The following EML2 variants were observed in gnomAD, a reference collection of about 807,000 sequenced individuals.
The protein encoded by EML2 is echinoderm microtubule-associated protein-like 2.
A neutral mutation model predicts 84.7 loss-of-function variants in EML2; 59 were observed. The observed-to-expected ratio is 0.70, with a 90% confidence interval of 0.56 to 0.86. EML2 has a LOEUF of 0.86. EML2 is among the 40% of genes least tolerant of loss of function. The pLI, the probability that EML2 is intolerant of heterozygous loss-of-function variation, is 0.00. For missense variants in EML2, 818 were observed against 855.6 expected (o/e 0.96, Z 0.55); for synonymous variants, 352 against 348.9 (o/e 1.01, Z -0.10).
At chr19:45,624,946 G>A (rs1435821171) in intron 8 of EML2, 128 bp from the exon 9 acceptor site, 25 of 666,584 alleles carry the variant, frequency 3.8e-5, no homozygotes, top group African/African-American at 7.2e-5. Flanking sequence ...AAGGCTCTGC[G>A]TGGAGCATCC....
At chr19:45,639,111 G>A (rs1211009613) in intron 1 of EML2, 1 of 685,260 alleles carries the variant, frequency 1.5e-6, no homozygotes, top group Non-Finnish European at 2.6e-6. Flanking sequence ...AAGTGGCAGG[G>A]ACGCGATCCT....
upstream of EML2, chr19:45,639,430 C>A (rs565797513): frequency 7.2e-6 from 9 of 1,245,256 alleles, no homozygotes; most frequent in Non-Finnish European, 9.1e-6. Flanking sequence ...CCGGCTCTGC[C>A]GCTTCCGGCC....
intron 15 of EML2, chr19:45,616,140 G>C: frequency 3.5e-6 from 2 of 569,074 alleles, no homozygotes; most frequent in South Asian, 2.1e-5. Flanking sequence ...CAGGTGGGCA[G>C]GGCTAGACAC....
chr19:45,632,759 C>T, intron 6 of EML2, 102 bp downstream of exon 6: 1 of 1,009,058 alleles, frequency 9.9e-7, no homozygotes, highest in South Asian at 1.5e-5. Flanking sequence ...ACGCCTCCAG[C>T]AGGATTCCCG....
Position 45,635,685 on chromosome 19 carries a change from C to T in EML2, c.180-1214G>A, listed in dbSNP as rs557735610. ...TCAGCTCACGGCAACCTCCACCTCC[C>T]GGGTTCAAGGGATTCTTCTGCCTCA... On this transcript the variant is annotated intron_variant, in intron 3 of 18. Coordinates refer to ENST00000245925, the MANE Select transcript of EML2 (RefSeq NM_012155.4). Among the ~76,000 whole-genome samples, 32 of 149,964 alleles carry T rather than the reference C, an allele frequency of 2.1e-4. 1 individual carries two copies. The South Asian group carries it at 6.4e-3, about 30-fold the overall frequency.
upstream of EML2, chr19:45,642,172 T>A: frequency 6.5e-7 from 1 of 1,528,758 alleles, no homozygotes; most frequent in South Asian, 1.2e-5. Context: ...CGCCCGGCCC[T>A]TGGGGGTGCC....
chr19:45,624,585 A>T, intron 9 of EML2, 134 bp downstream of exon 9: 1 of 663,714 alleles, frequency 1.5e-6, no homozygotes, highest in East Asian at 2.8e-5. Context: ...ACTTGAGCTG[A>T]ACCTTGACGA....
At chr19:45,639,646 GT>G (rs1360338987), upstream of EML2, among the ~76,000 whole-genome samples, 1 of 152,166 alleles carries the variant, frequency 6.6e-6, no homozygotes, top group Non-Finnish European at 1.5e-5. Flanking sequence ...TCCTAGCAGT[GT>G]ACACAGGTCG....
At chr19:45,637,973 G>A (rs376581523) in intron 3 of EML2, among the ~76,000 whole-genome samples, 32 of 151,930 alleles carry the variant, frequency 2.1e-4, no homozygotes, top group Admixed American at 1.0e-3. Context: ...CACCGCGCCC[G>A]GCCTGCTATT....
chr19:45,639,100 G>T (rs1974132167), intron 1 of EML2: 2 of 702,334 alleles, frequency 2.8e-6, no homozygotes, highest in Non-Finnish European at 5.1e-6. Context: ...CACACAGCAC[G>T]AAGTGGCAGG....
intron 4 of EML2, among the ~76,000 whole-genome samples, chr19:45,633,563 A>G (rs1973338453): frequency 6.6e-6 from 1 of 151,820 alleles, no homozygotes; most frequent in South Asian, 2.1e-4. Flanking sequence ...ACATGGGGAA[A>G]CCCTGTCTCT....
At chr19:45,630,108 A>ACTG in intron 6 of EML2, 62 bp from the exon 7 acceptor site, 2 of 1,241,440 alleles carry the variant, frequency 1.6e-6, no homozygotes, top group Non-Finnish European at 2.3e-6. Flanking sequence ...TCCTCCCCCC[A>ACTG]TGCCCACCAA....
At chr19:45,635,583 CTTTTTTTTTTTT>C (rs1172930803) in intron 3 of EML2, among the ~76,000 whole-genome samples, 4 of 108,476 alleles carry the variant, frequency 3.7e-5, no homozygotes, top group African/African-American at 1.1e-4. Context: ...TGTCTGTTTC[CTTTTTTTTTTTT>C]TTTTTTTTTT....
chr19:45,638,803 C>G, intron 2 of EML2, 42 bp downstream of exon 2: 3 of 1,610,402 alleles, frequency 1.9e-6, no homozygotes, highest in South Asian at 1.1e-5. Context: ...GTCACCCCAA[C>G]AAGCAAGCTT....
chr19:45,625,915 G>A (rs1972259448), intron 8 of EML2, among the ~76,000 whole-genome samples: 1 of 152,098 alleles, frequency 6.6e-6, no homozygotes, highest in Non-Finnish European at 1.5e-5. Flanking sequence ...ATCTCACTCT[G>A]TCACCCAGGC....
At chr19:45,643,860 A>G, upstream of EML2, 1 of 1,104,074 alleles carries the variant, frequency 9.1e-7, no homozygotes, top group Non-Finnish European at 1.2e-6. Context: ...TCCTGAGGTC[A>G]GAAGGAGTGA....
At chr19:45,645,398 C>A (rs778798233), upstream of EML2, 24 of 1,492,882 alleles carry the variant, frequency 1.6e-5, no homozygotes, top group East Asian at 6.1e-4. Flanking sequence ...GTCCCCCCAA[C>A]CAGGCCCTGC....
At chr19:45,643,588 T>C (rs1974794248), upstream of EML2, 4 of 1,535,964 alleles carry the variant, frequency 2.6e-6, no homozygotes, top group South Asian at 4.8e-5. Flanking sequence ...CCCAGACTCA[T>C]TGCTGACCAC....
upstream of EML2, chr19:45,641,822 C>T (rs886522818): frequency 6.6e-7 from 1 of 1,510,294 alleles, no homozygotes; most frequent in African/African-American, 1.4e-5. Flanking sequence ...GCGAGATTCT[C>T]CCTGCACCCT....
Sources: allele counts gnomAD v4.1 joint callset (sites outside exome capture counted in the v4.1 genomes callset), GRCh38; gene constraint gnomAD v4.1.1; transcripts MANE v1.5; gene names NCBI Gene and HGNC (gene_info 2026-07-23, HGNC 2026-07-21).